The following PRL variants were observed in gnomAD, a reference collection of about 807,000 sequenced individuals.
PRL encodes the protein decidual prolactin.
Under a neutral mutation model 21.3 loss-of-function variants are expected in PRL, and 24 were observed. The ratio of observed to expected loss-of-function variants is 1.13; its 90% CI spans 0.82 to 1.59. PRL has a LOEUF of 1.59. Among genes scored for constraint, PRL ranks in the 40% most tolerant of loss-of-function variants. The probability of loss-of-function intolerance (pLI) is 0.00; values close to 1 mark genes in which losing one functional copy is unlikely to be tolerated. For synonymous variants in PRL, 118 were observed against 115.7 expected (o/e 1.02, Z -0.13); for missense variants, 243 against 286.9 (o/e 0.85, Z 1.10).
chr6:22,293,713 AGG>A (rs1761112503), intron 2 of PRL, among the ~76,000 whole-genome samples: 11 of 133,426 alleles, frequency 8.2e-5, no homozygotes, highest in South Asian at 3.0e-4. Context: ...GAAAGAAGGA[AGG>A]AAGGAGGGAA....
Position 22,288,791 on chromosome 6 carries a change from G to A in PRL, c.493-1198C>T, listed in dbSNP as rs947451040. On this transcript the variant is annotated intron_variant, in intron 4 of 4. Coordinates refer to ENST00000306482, the MANE Select transcript of PRL (RefSeq NM_000948.6). This position sits in a 1 kb window ranked among gnomAD's most constrained non-coding sequence, Gnocchi z 4.5. ...AGGTATATATCTGGATGTAGACGCC[G>A]ATCTGCTAAACCTTTTCCTACAAAG... 5.3e-5 allele frequency among the ~76,000 whole-genome samples: 8 copies of A among 152,168 alleles called. No homozygotes were observed. The highest frequency in any genetic ancestry group is 9.7e-5 in the African/African-American group (4 of 41,444).
chr6:22,293,888 A>G (rs1761117361), intron 2 of PRL, among the ~76,000 whole-genome samples: 1 of 152,250 alleles, frequency 6.6e-6, no homozygotes, highest in Admixed American at 6.5e-5. Context: ...TTATAAACCC[A>G]TATACTGAAA....
Position 22,290,320 on chromosome 6 carries a change from A to C in PRL, c.346T>G (p.Leu116Val). Residue 116 changes from leucine to valine, a missense_variant, in exon 4 of 5, where the codon TTG (leucine) becomes GTG (valine). Coordinates refer to ENST00000306482, the MANE Select transcript of PRL (RefSeq NM_000948.6). ...KDFLSLIVSI[L>V]RSWNEPLYHL... ...TACAGAGGCTCATTCCAGGATCGCA[A>C]TATGCTGACTATCAGGCTCAGAAAG... 2 of 1,606,974 alleles carry C rather than the reference A, an allele frequency of 1.2e-6. No individual in the cohort carries two copies. The highest frequency in any genetic ancestry group is 8.5e-7 in the Non-Finnish European group (1 of 1,175,146).
intron 1 of PRL, 92 bp from the exon 2 acceptor site, chr6:22,294,676 C>T: frequency 7.3e-7 from 1 of 1,373,352 alleles, no homozygotes. Context: ...TATTGCTCCC[C>T]ACTGCCCTCA....
upstream of PRL, among the ~76,000 whole-genome samples, chr6:22,301,708 T>C (rs1761284981): frequency 6.6e-6 from 1 of 152,196 alleles, no homozygotes; most frequent in Non-Finnish European, 1.5e-5. Flanking sequence ...TCCAATACAT[T>C]TTTGTTAGAA....
intron 2 of PRL, among the ~76,000 whole-genome samples, chr6:22,293,774 G>C (rs1191908674): frequency 8.7e-6 from 1 of 114,612 alleles, no homozygotes; most frequent in Non-Finnish European, 1.7e-5. Flanking sequence ...GGGAATGGAA[G>C]GGAAGGGAAG....
intron 2 of PRL, among the ~76,000 whole-genome samples, 190 bp downstream of exon 2, chr6:22,294,219 G>A (rs1761124600): frequency 6.6e-6 from 1 of 152,096 alleles, no homozygotes; most frequent in Admixed American, 6.5e-5. Context: ...CATTCTTTGA[G>A]AATCTTTGAG....
chr6:22,301,651 T>A (rs1581391512), upstream of PRL, among the ~76,000 whole-genome samples: 2 of 152,296 alleles, frequency 1.3e-5, no homozygotes, highest in Non-Finnish European at 2.9e-5. Context: ...AGCAGGCTCT[T>A]CAGAGAAAAT....
chr6:22,293,177 A>T (rs1761090403), intron 2 of PRL, among the ~76,000 whole-genome samples: 1 of 152,196 alleles, frequency 6.6e-6, no homozygotes, highest in African/African-American at 2.4e-5. Context: ...TTCATGATAG[A>T]AACGGAACAC....
intron 3 of PRL, 33 bp from the exon 4 acceptor site, chr6:22,290,386 T>A (rs776185716): frequency 6.8e-7 from 1 of 1,481,228 alleles, no homozygotes; most frequent in East Asian, 2.3e-5. Context: ...TGCATTAAAA[T>A]AGGTAAAATA....
rs757225603 is a variant in PRL at position 22,290,329 on chromosome 6, C to CT, written c.336dup (p.Val113SerfsTer9). 2.5e-6 allele frequency: 4 copies of CT among 1,599,348 alleles called. No homozygotes were observed. Among genetic ancestry groups the CT allele is most frequent in the Non-Finnish European group, 3.4e-6 (4 of 1,169,760 alleles). ...TCATTCCAGGATCGCAATATGCTGA[C>CT]TATCAGGCTCAGAAAGTCTTTTTGC... On this transcript the variant is annotated frameshift_variant, in exon 4 of 5. Transcript: ENST00000306482. LOFTEE classifies it high-confidence loss of function.
At chr6:22,296,609 A>G (rs560026094) in intron 1 of PRL, among the ~76,000 whole-genome samples, 3 of 152,304 alleles carry the variant, frequency 2.0e-5, no homozygotes, top group Admixed American at 6.5e-5. Context: ...TGAGTTGAAT[A>G]ATTCCTTGTT....
rs1454253614 is a variant in PRL at position 22,290,321 on chromosome 6, T to C, written c.345A>G (p.Ile115Met). 18 of 1,605,482 alleles carry C rather than the reference T, an allele frequency of 1.1e-5. No homozygotes were observed. Among genetic ancestry groups the C allele is most frequent in the Non-Finnish European group, 1.5e-5 (18 of 1,174,074 alleles). Residue 115 changes from isoleucine (I) to methionine (M), a missense_variant, in exon 4 of 5, where the codon ATA becomes ATG. Coordinates refer to ENST00000306482, the MANE Select transcript of PRL (RefSeq NM_000948.6). ...QKDFLSLIVS[I>M]LRSWNEPLYH... ...ACAGAGGCTCATTCCAGGATCGCAA[T>C]ATGCTGACTATCAGGCTCAGAAAGT... is the stretch of plus-strand genomic sequence containing the variant.
upstream of PRL, among the ~76,000 whole-genome samples, chr6:22,297,707 A>T (rs988511781): frequency 6.6e-6 from 1 of 152,172 alleles, no homozygotes; most frequent in Non-Finnish European, 1.5e-5. Flanking sequence ...TGATTTTAAC[A>T]TATGTGTTAA....
At chr6:22,296,229 AT>A (rs2113515059) in intron 1 of PRL, among the ~76,000 whole-genome samples, 2 of 152,312 alleles carry the variant, frequency 1.3e-5, no homozygotes, top group South Asian at 4.1e-4. Flanking sequence ...AAATAGACAC[AT>A]GTTTTTGTTC....
intron 1 of PRL, among the ~76,000 whole-genome samples, 179 bp downstream of exon 1, chr6:22,296,776 G>A (rs1761184867): frequency 6.6e-6 from 1 of 152,168 alleles, no homozygotes; most frequent in African/African-American, 2.4e-5. Context: ...GGATTCCCCT[G>A]TTTGAGAACC....
At chr6:22,293,157 C>T (rs192009723) in intron 2 of PRL, among the ~76,000 whole-genome samples, 1 of 152,234 alleles carries the variant, frequency 6.6e-6, no homozygotes, top group African/African-American at 2.4e-5. Flanking sequence ...CACACCTATA[C>T]CTTACCAAGT....
upstream of PRL, among the ~76,000 whole-genome samples, chr6:22,299,526 G>A (rs372177513): frequency 2.6e-5 from 4 of 152,054 alleles, no homozygotes; most frequent in Non-Finnish European, 4.4e-5. Context: ...CTTCTGTCAC[G>A]TATGAAGCAA....
Position 22,287,408 on chromosome 6 carries a change from G to A in PRL, c.678C>T (p.Asn226=). Residue 226 remains asparagine, a synonymous_variant, in exon 5 of 5, where the codon AAC becomes AAT. Transcript: ENST00000306482. The part of the protein sequence containing the change: ...LLKCRIIHNN[N]C The stretch of plus-strand genomic sequence containing the variant: ...AGATGAAATGGATGTGGGCTTAGCA[G>A]TTGTTGTTGTGGATGATTCGGCACT... 3 of 1,612,494 alleles carry A rather than the reference G, an allele frequency of 1.9e-6. No homozygotes were observed. Among genetic ancestry groups the A allele is most frequent in the Non-Finnish European group, 2.5e-6 (3 of 1,178,712 alleles).
Sources: gnomAD v4.1 joint callset for allele counts (sites outside exome capture counted in the v4.1 genomes callset) on GRCh38, gnomAD v4.1.1 for gene constraint, Gnocchi (gnomAD v3.1) non-coding constraint, MANE v1.5 for transcripts, NCBI Gene and HGNC (gene_info 2026-07-23, HGNC 2026-07-21) for gene names.